The following TMEM126A variants were observed in gnomAD, a reference collection of about 807,000 sequenced individuals.
The protein encoded by TMEM126A is optic atrophy 7.
In TMEM126A, 10 loss-of-function variants were observed where a neutral mutation model predicts 18.3. The observed-to-expected ratio is 0.55, with a 90% CI of 0.34 to 0.93. The LOEUF (loss-of-function observed/expected upper bound fraction) is 0.93, where lower values mean the gene tolerates loss of function less well. Among genes scored for constraint, TMEM126A ranks in the 40% least tolerant of loss-of-function variants. The pLI, the probability that TMEM126A is intolerant of heterozygous loss-of-function variation, is 0.02. For missense variants in TMEM126A, 246 were observed against 230.2 expected, an observed-to-expected ratio of 1.07 and a Z score of -0.44; for synonymous variants, 68 against 78.1, an observed-to-expected ratio of 0.87 and a Z score of 0.68.
chr11:85,653,228 AT>A (rs1303391498), intron 2 of TMEM126A, among the ~76,000 whole-genome samples: 1 of 152,210 alleles, frequency 6.6e-6, no homozygotes, highest in Admixed American at 6.5e-5. Context: ...AGGCATCATG[AT>A]TGCAAAGTGT....
intron 3 of TMEM126A, among the ~76,000 whole-genome samples, chr11:85,654,512 C>T (rs1386157650): frequency 1.3e-5 from 2 of 152,120 alleles, no homozygotes; most frequent in Non-Finnish European, 1.5e-5. Context: ...AGTGCCCTGG[C>T]GCAATCTTGG....
chr11:85,655,777 ATTTTGT>A, intron 4 of TMEM126A, 69 bp downstream of exon 4: 1 of 1,227,734 alleles, frequency 8.1e-7, no homozygotes, highest in East Asian at 2.3e-5. Flanking sequence ...CAGCAAATAT[ATTTTGT>A]TTTTAAGGCA....
At chr11:85,654,291 C>CTTA in intron 3 of TMEM126A, 35 bp downstream of exon 3, 1 of 1,601,778 alleles carries the variant, frequency 6.2e-7, no homozygotes. Context: ...AAGAGTTTGC[C>CTTA]TTAGTATATG....
chr11:85,654,094 G>A lies in TMEM126A; in HGVS notation c.118G>A (p.Gly40Arg). 1 of 1,614,118 alleles carries A rather than the reference G, an allele frequency of 6.2e-7. No individual in the cohort carries two copies. Among genetic ancestry groups the A allele is most frequent in the Non-Finnish European group, 8.5e-7 (1 of 1,180,010 alleles). ...ACTTGAAAATGGATCGGTTTATGTT[G>A]GATTAAATGCTGCTCTTTGTGGCCT... is the stretch of plus-strand genomic sequence containing the variant. ...NLLENGSVYV[G>R]LNAALCGLIA... The change falls in exon 3 of 5, where the codon GGA (glycine) becomes AGA (arginine). Residue 40 changes from glycine (G) to arginine (R), a missense_variant. Physicochemically the swap from Gly to Arg is moderately radical, Grantham distance 125. Transcript: ENST00000304511.
intron 1 of TMEM126A, among the ~76,000 whole-genome samples, chr11:85,649,803 G>A (rs2082486365): frequency 6.6e-6 from 1 of 152,146 alleles, no homozygotes; most frequent in African/African-American, 2.4e-5. Context: ...TTTGTGAAGT[G>A]CCTGTTCAAA....
chr11:85,655,114 A>C (rs534383170), intron 3 of TMEM126A, among the ~76,000 whole-genome samples: 3 of 152,198 alleles, frequency 2.0e-5, no homozygotes, highest in African/African-American at 7.2e-5. Context: ...ATTATTTCAA[A>C]TAAAAATATT....
In TMEM126A at chr11:85,656,437, C is replaced by G. The variant is rs2082540941; in HGVS notation, c.524C>G (p.Ser175Cys). 6.2e-7 allele frequency: 1 copy of G among 1,613,124 alleles called. No individual in the cohort carries two copies. Among genetic ancestry groups the G allele is most frequent in the South Asian group, 1.1e-5 (1 of 91,060 alleles). The change falls in exon 5 of 5, where the codon TCT (serine) becomes TGT (cysteine). Residue 175 changes from serine to cysteine, a missense_variant. By Grantham distance (112) the Ser-to-Cys change is moderately radical. Transcript: ENST00000304511. ...ACTATGTTTTCAGCATACCTTGGGT[C>G]TGAACAATATAAACTACTTATAAAG... The part of the protein sequence containing the change: ...LQTMFSAYLG[S>C]EQYKLLIKAL...
chr11:85,649,524 A>G (rs1428257352), intron 1 of TMEM126A, among the ~76,000 whole-genome samples: 2 of 152,252 alleles, frequency 1.3e-5, no homozygotes, highest in Non-Finnish European at 1.5e-5. Flanking sequence ...GTATACCTAG[A>G]AATGAAATTG....
chr11:85,654,616 T>C (rs1181875291), intron 3 of TMEM126A, among the ~76,000 whole-genome samples: 1 of 152,072 alleles, frequency 6.6e-6, no homozygotes. Flanking sequence ...CATGCCCGGC[T>C]AATTTTTTGT....
At chr11:85,649,993 A>C (rs1448294372) in intron 1 of TMEM126A, among the ~76,000 whole-genome samples, 1 of 152,064 alleles carries the variant, frequency 6.6e-6, no homozygotes, top group Non-Finnish European at 1.5e-5. Flanking sequence ...TTAGTTTTAT[A>C]AGTCTTTTAT....
At position 85,656,276 on chromosome 11, in the gene TMEM126A, T is replaced by C. The variant is rs764937128; in HGVS notation, c.396-33T>C. On this transcript the variant is annotated intron_variant, in intron 4 of 4. Coordinates refer to ENST00000304511, the MANE Select transcript of TMEM126A (RefSeq NM_032273.4). The stretch of plus-strand genomic sequence containing the variant: ...GGTTTGCCATTTGATGCAACAATCT[T>C]TTCTATTGAACTATCTCAATGTTTT... 5.0e-6 allele frequency: 8 copies of C among 1,593,686 alleles called. No individual in the cohort carries two copies. In the African/African-American group the frequency reaches 5.4e-5, roughly 11 times the overall value.
intron 3 of TMEM126A, among the ~76,000 whole-genome samples, chr11:85,655,096 TTTGA>T (rs1228101175): frequency 2.0e-5 from 3 of 152,104 alleles, no homozygotes; most frequent in African/African-American, 4.8e-5. Context: ...AAAAAAAACT[TTTGA>T]TTAATTATTT....
In TMEM126A at chr11:85,655,618, C is replaced by A; in HGVS notation, c.305C>A (p.Thr102Asn). The A allele has an allele frequency of 6.2e-7, 1 of 1,613,570 alleles. No individual in the cohort carries two copies. The highest frequency in any genetic ancestry group is 1.3e-5 in the African/African-American group (1 of 75,002). The change falls in exon 4 of 5, where the codon ACC (threonine) becomes AAC (asparagine). Residue 102 changes from threonine to asparagine, a missense_variant. Coordinates refer to ENST00000304511, the MANE Select transcript of TMEM126A (RefSeq NM_032273.4). ...NTGDLDCETC[T>N]ITRSGLTGLV... ...GGTGATTTGGATTGTGAAACCTGTA[C>A]CATAACACGGAGTGGACTGACTGGT...
rs1591465937 is a variant in TMEM126A, at chr11:85,655,810, T to C, written c.395+102T>C. ...TTTAAGGCATTTAGACCAAAGGCAA[T>C]GTTACCCTCTTGATTAGAAGTTAGC... On this transcript the variant is annotated intron_variant, in intron 4 of 4. Coordinates refer to ENST00000304511, the MANE Select transcript of TMEM126A (RefSeq NM_032273.4). The C allele has an allele frequency of 6.3e-6, 5 of 790,528 alleles. No individual in the cohort carries two copies. The East Asian group carries it at 1.3e-4, about 20-fold the overall frequency. The allele number at this position is 790,528 out of a possible 1,614,324, so 49.0% of individuals were successfully genotyped here. A position where few individuals can be genotyped will look rare whatever the true frequency, so the allele number is the denominator to read the frequency against.
intron 4 of TMEM126A, among the ~76,000 whole-genome samples, chr11:85,655,952 A>G (rs1410814837): frequency 6.6e-6 from 1 of 152,210 alleles, no homozygotes; most frequent in African/African-American, 2.4e-5. Context: ...ACTAACTACA[A>G]AGCTGCAAAC....
chr11:85,650,147 A>T, intron 1 of TMEM126A, 102 bp from the exon 2 acceptor site: 1 of 713,898 alleles, frequency 1.4e-6, no homozygotes, highest in South Asian at 2.0e-5. Flanking sequence ...GTATGCAATG[A>T]TTTTTTTCAG....
chr11:85,656,443 A>G lies in TMEM126A; in HGVS notation c.530A>G (p.Gln177Arg), dbSNP rs763628745. 2 of 1,613,394 alleles carry G rather than the reference A, an allele frequency of 1.2e-6. No individual in the cohort carries two copies. The highest frequency in any genetic ancestry group is 2.2e-5 in the South Asian group (2 of 91,056). The stretch of plus-strand genomic sequence containing the variant: ...TTTTCAGCATACCTTGGGTCTGAAC[A>G]ATATAAACTACTTATAAAGGCCCTT... ...TMFSAYLGSE[Q>R]YKLLIKALQL... is the part of the protein sequence containing the mutation. Residue 177 changes from glutamine to arginine, a missense_variant, in exon 5 of 5, where the codon CAA (glutamine) becomes CGA (arginine). Transcript: ENST00000304511.
chr11:85,653,427 T>G (rs1390876950), intron 2 of TMEM126A, among the ~76,000 whole-genome samples: 1 of 152,182 alleles, frequency 6.6e-6, no homozygotes, highest in Non-Finnish European at 1.5e-5. Context: ...TAAGTCGTAG[T>G]CTGAAAAGTT....
At chr11:85,653,286 T>G (rs1489852231) in intron 2 of TMEM126A, among the ~76,000 whole-genome samples, 15 of 152,196 alleles carry the variant, frequency 9.9e-5, no homozygotes, top group Admixed American at 9.8e-4. Context: ...GCTGAGTTCC[T>G]AGAAAAGCTA....
Sources: gnomAD v4.1 joint callset for allele counts (sites outside exome capture counted in the v4.1 genomes callset) on GRCh38, gnomAD v4.1.1 for gene constraint, MANE v1.5 for transcripts, NCBI Gene and HGNC (gene_info 2026-07-23, HGNC 2026-07-21) for gene names.